The following STXBP5L variants were observed in gnomAD, a reference collection of about 807,000 sequenced individuals.
The protein encoded by STXBP5L is syntaxin-binding protein 5-like.
In STXBP5L, 65 loss-of-function variants were observed where a neutral mutation model predicts 144.5. The ratio of observed to expected loss-of-function variants is 0.45; its 90% CI spans 0.37 to 0.55. The LOEUF (loss-of-function observed/expected upper bound fraction) is 0.55, where lower values mean the gene tolerates loss of function less well. STXBP5L is among the 20% of genes least tolerant of loss of function. The pLI is 0.00. For synonymous variants in STXBP5L, 505 were observed against 469.6 expected (o/e 1.08, Z -0.97); for missense variants, 1,298 against 1,405.5 (o/e 0.92, Z 1.22).
intron 3 of STXBP5L, among the ~76,000 whole-genome samples, chr3:121,009,458 C>T (rs759442627): frequency 6.6e-6 from 1 of 151,956 alleles, no homozygotes; most frequent in Non-Finnish European, 1.5e-5. Flanking sequence ...TGCTTGGATC[C>T]TTGCTCAGTG....
In STXBP5L at chr3:121,246,235, A is replaced by C. The variant is rs572718365; in HGVS notation, c.1401-4488A>C. ...TGCACATGCAAGAGATCTAGGTTGC[A>C]CGCTTCTTATGAGAATCTAACTAAT... On this transcript the variant is annotated intron_variant, in intron 14 of 26. Coordinates refer to ENST00000471454, the MANE Select transcript of STXBP5L (RefSeq NM_001308330.2). Among the ~76,000 whole-genome samples, 47 of 152,336 alleles carry C rather than the reference A, an allele frequency of 3.1e-4. No homozygotes were observed. In the South Asian group the frequency reaches 9.8e-3, roughly 32 times the overall value.
chr3:121,105,558 G>A (rs1188850691), intron 5 of STXBP5L, among the ~76,000 whole-genome samples: 3 of 151,988 alleles, frequency 2.0e-5, no homozygotes, highest in Non-Finnish European at 4.4e-5. Flanking sequence ...AAAAGAATAG[G>A]CGTTGGCGTG....
intron 20 of STXBP5L, among the ~76,000 whole-genome samples, chr3:121,364,308 C>A (rs946905733): frequency 4.5e-4 from 69 of 152,234 alleles, no homozygotes; most frequent in African/African-American, 1.3e-3. Flanking sequence ...CTCCAATAGT[C>A]TATATGTCAC....
At chr3:120,998,333 C>T (rs967670060) in intron 3 of STXBP5L, among the ~76,000 whole-genome samples, 1 of 152,088 alleles carries the variant, frequency 6.6e-6, no homozygotes, top group Admixed American at 6.6e-5. Flanking sequence ...CCAGGAAACC[C>T]TGTAATCTGT....
chr3:121,113,666 CTTTTTCTTTTTTTT>C lies in STXBP5L; in HGVS notation c.471-1253_471-1240del, dbSNP rs1196795385. On this transcript the variant is annotated intron_variant, in intron 5 of 26. Coordinates refer to ENST00000471454, the MANE Select transcript of STXBP5L (RefSeq NM_001308330.2). ...TGGATGTTCACTTTTATTCTTTTTT[CTTTTTCTTTTTTTT>C]TTTTTTTTTTGTGACACAGAGTCTT... 4.1e-3 allele frequency among the ~76,000 whole-genome samples: 544 copies of C among 132,878 alleles called. 8 individuals are homozygous for C. Among genetic ancestry groups the C allele is most frequent in the African/African-American group, 0.013 (459 of 35,730 alleles). The allele number at this position is 132,878 out of a possible 152,430, so 87.2% of individuals were successfully genotyped here.
intron 5 of STXBP5L, among the ~76,000 whole-genome samples, chr3:121,100,282 A>G (rs1298585726): frequency 6.6e-6 from 1 of 152,130 alleles, no homozygotes; most frequent in Non-Finnish European, 1.5e-5. Context: ...TCCACCCATC[A>G]ACTATAGGAT....
chr3:121,065,954 T>A (rs1425982641), intron 5 of STXBP5L, among the ~76,000 whole-genome samples: 1 of 152,164 alleles, frequency 6.6e-6, no homozygotes, highest in Non-Finnish European at 1.5e-5. Flanking sequence ...CATATAGCCC[T>A]CTCAATAAGC....
intron 18 of STXBP5L, among the ~76,000 whole-genome samples, chr3:121,279,591 C>G (rs1018224712): frequency 6.6e-6 from 1 of 151,708 alleles, no homozygotes; most frequent in Admixed American, 6.6e-5. Flanking sequence ...ATATAATTGC[C>G]GATCATCCTT....
intron 20 of STXBP5L, among the ~76,000 whole-genome samples, chr3:121,376,990 A>T (rs2046202947): frequency 1.3e-5 from 2 of 152,132 alleles, no homozygotes; most frequent in South Asian, 4.1e-4. Flanking sequence ...CTTTGAAGCA[A>T]TTGTGAATGG....
chr3:121,405,309 CT>C lies in STXBP5L; in HGVS notation c.2588-1927del, dbSNP rs897280829. 6.2e-4 allele frequency among the ~76,000 whole-genome samples: 94 copies of C among 152,006 alleles called. 1 individual carries two copies. The highest frequency in any genetic ancestry group is 3.3e-4 in the Admixed American group (5 of 15,234). ...TCAAGAATTCCTATCTTCTTTTCTG[CT>C]TTTTTTCCTTAGTACTCATTACTAT... On this transcript the variant is annotated intron_variant, in intron 22 of 26. Transcript: ENST00000471454.
intron 3 of STXBP5L, among the ~76,000 whole-genome samples, chr3:121,039,738 C>T (rs1947016250): frequency 6.6e-6 from 1 of 151,606 alleles, no homozygotes; most frequent in Non-Finnish European, 1.5e-5. Flanking sequence ...TATCTCTTCT[C>T]TCCCTCCTCT....
At chr3:121,183,013 G>A (rs2047221973) in intron 9 of STXBP5L, among the ~76,000 whole-genome samples, 1 of 152,032 alleles carries the variant, frequency 6.6e-6, no homozygotes, top group African/African-American at 2.4e-5. Context: ...AACATACATG[G>A]GTGAATACAT....
chr3:120,986,137 C>A (rs1172792292), intron 3 of STXBP5L, among the ~76,000 whole-genome samples: 1 of 151,810 alleles, frequency 6.6e-6, no homozygotes, highest in Non-Finnish European at 1.5e-5. Flanking sequence ...CTTCATATTT[C>A]TTCTTTGATC....
At position 121,041,730 on chromosome 3, in the gene STXBP5L, C is replaced by T; in HGVS notation, c.318C>T (p.Cys106=). The change falls in exon 4 of 27, where the codon TGC becomes TGT. Residue 106 remains cysteine (C), a synonymous_variant. Coordinates refer to ENST00000471454, the MANE Select transcript of STXBP5L (RefSeq NM_001308330.2). Reference sequence around the variant, plus strand: ...GGAGACCTGGTGTTGATTGCTATTGCCAACATGAAAGTGGTGCAGCTGTCC... The same window carrying T: ...GGAGACCTGGTGTTGATTGCTATTGTCAACATGAAAGTGGTGCAGCTGTCC... ...ILGRPGVDCY[C]QHESGAAVLQ... is the part of the protein sequence containing the mutation. 6.2e-7 allele frequency: 1 copy of T among 1,612,556 alleles called. No homozygotes were observed. Among genetic ancestry groups the T allele is most frequent in the East Asian group, 2.2e-5 (1 of 44,754 alleles).
chr3:121,151,418 C>T (rs923730210), intron 7 of STXBP5L, among the ~76,000 whole-genome samples: 14 of 151,912 alleles, frequency 9.2e-5, no homozygotes, highest in African/African-American at 2.4e-4. Flanking sequence ...ATATTTGAAA[C>T]CTTTTGTGTT....
intron 3 of STXBP5L, among the ~76,000 whole-genome samples, chr3:120,963,381 T>C (rs2107750409): frequency 6.6e-6 from 1 of 152,372 alleles, no homozygotes; most frequent in Admixed American, 6.5e-5. Flanking sequence ...CTTCCAGTTT[T>C]TGCCCATTCA....
chr3:121,094,263 A>G (rs1446242634), intron 5 of STXBP5L, among the ~76,000 whole-genome samples: 1 of 152,084 alleles, frequency 6.6e-6, no homozygotes, highest in Non-Finnish European at 1.5e-5. Flanking sequence ...TTTGGGGTGG[A>G]GAGTTCTGTA....
intron 19 of STXBP5L, among the ~76,000 whole-genome samples, chr3:121,313,671 G>A (rs1182995846): frequency 1.3e-4 from 8 of 63,612 alleles, no homozygotes; most frequent in Non-Finnish European, 1.8e-4. Flanking sequence ...TCACTTCCCA[G>A]TAGGGGCAGC....
intron 19 of STXBP5L, among the ~76,000 whole-genome samples, 164 bp from the exon 20 acceptor site, chr3:121,318,311 T>A (rs1354552636): frequency 2.0e-5 from 3 of 151,598 alleles, no homozygotes; most frequent in South Asian, 2.1e-4. Flanking sequence ...AAAAAAAAAA[T>A]TAATAAAAAT....
Sources: gnomAD v4.1 joint callset for allele counts (sites outside exome capture counted in the v4.1 genomes callset) on GRCh38, gnomAD v4.1.1 for gene constraint, MANE v1.5 for transcripts, NCBI Gene and HGNC (gene_info 2026-07-23, HGNC 2026-07-21) for gene names.